Variants in DPP10 observed in about 807,000 individuals in gnomAD.
The protein encoded by DPP10 is dipeptidyl peptidase like 10.
DPP10 carries 33 observed loss-of-function variants against 120.9 expected under a neutral mutation model. The observed-to-expected ratio is 0.27, with a 90% CI of 0.21 to 0.37. The LOEUF is 0.37. Ranked by LOEUF, DPP10 falls within the 10% of genes least tolerant of loss-of-function variation. DPP10 has a pLI of 1.00. For synonymous variants in DPP10, 337 were observed against 326.1 expected, an observed-to-expected ratio of 1.03 and a Z score of -0.36; for missense variants, 816 against 942.8, an observed-to-expected ratio of 0.87 and a Z score of 1.76.
intron 1 of DPP10, among the ~76,000 whole-genome samples, chr2:115,216,717 G>A (rs12998960): frequency 0.067 from 10,175 of 152,022 alleles, 428 homozygotes; most frequent in East Asian, 0.2. Flanking sequence ...CTCAGGAGGC[G>A]GAAGTTGCCG....
intron 5 of DPP10, among the ~76,000 whole-genome samples, chr2:115,578,358 G>A (rs899751481): frequency 1.3e-5 from 2 of 151,968 alleles, no homozygotes; most frequent in African/African-American, 2.4e-5. Flanking sequence ...ACACACAAAC[G>A]TACACGTGTA....
chr2:114,522,752 C>T (rs1217987032), intron 1 of DPP10, among the ~76,000 whole-genome samples: 3 of 152,082 alleles, frequency 2.0e-5, no homozygotes. Flanking sequence ...CTTACAGTTC[C>T]ACGTGGCTGG....
intron 7 of DPP10, among the ~76,000 whole-genome samples, chr2:115,709,940 T>C (rs2092263514): frequency 6.6e-6 from 1 of 151,932 alleles, no homozygotes; most frequent in Non-Finnish European, 1.5e-5. Flanking sequence ...CTCAGTGAAC[T>C]CCAAACACAA....
rs547517344 is a variant in DPP10, at chr2:114,969,978, A to G, written c.61-339261A>G. On this transcript the variant is annotated intron_variant, in intron 1 of 25. Transcript: ENST00000410059. Reference sequence around the variant, plus strand: ...GCTATTATTATTTGCCTTAATTATCATCACTGGAATCTACTCTCAATAGCC... The same window carrying G: ...GCTATTATTATTTGCCTTAATTATCGTCACTGGAATCTACTCTCAATAGCC... 4.6e-5 allele frequency among the ~76,000 whole-genome samples: 7 copies of G among 152,278 alleles called. No individual in the cohort carries two copies. The South Asian group carries it at 1.0e-3, about 23-fold the overall frequency.
In DPP10 at chr2:115,070,154, G is replaced by C. The variant is rs1707252598; in HGVS notation, c.61-239085G>C. ...AGTAAAATGAGAAATACATTATGTGGTGATAAGAGCTAATACTTCATGCAA... is the reference window on the plus strand; with the variant it reads ...AGTAAAATGAGAAATACATTATGTGCTGATAAGAGCTAATACTTCATGCAA... On this transcript the variant is annotated intron_variant, in intron 1 of 25. Transcript: ENST00000410059. 2.0e-5 allele frequency among the ~76,000 whole-genome samples: 3 copies of C among 152,036 alleles called. No homozygotes were observed. The South Asian group carries it at 6.2e-4, about 31-fold the overall frequency.
At chr2:114,561,822 G>A (rs963055739) in intron 1 of DPP10, among the ~76,000 whole-genome samples, 7 of 152,108 alleles carry the variant, frequency 4.6e-5, no homozygotes, top group South Asian at 2.1e-4. Flanking sequence ...GTTATAAATG[G>A]CCTCTGACAC....
chr2:115,090,763 G>T (rs1709180397), intron 1 of DPP10, among the ~76,000 whole-genome samples: 1 of 152,040 alleles, frequency 6.6e-6, no homozygotes, highest in African/African-American at 2.4e-5. Context: ...AAGTTTCTGT[G>T]TTGGGGAGAA....
chr2:115,504,809 G>A (rs2076860896), intron 4 of DPP10, among the ~76,000 whole-genome samples: 1 of 152,018 alleles, frequency 6.6e-6, no homozygotes, highest in African/African-American at 2.4e-5. Context: ...TAAAAGTAGT[G>A]GTCATTAAAA....
chr2:114,664,529 T>C (rs1367254029), intron 1 of DPP10, among the ~76,000 whole-genome samples: 1 of 146,952 alleles, frequency 6.8e-6, no homozygotes, highest in African/African-American at 2.5e-5. Flanking sequence ...CTCAGGAGGC[T>C]GAGGCAGGAG....
At chr2:114,713,142 A>G (rs1187364713) in intron 1 of DPP10, among the ~76,000 whole-genome samples, 1 of 151,998 alleles carries the variant, frequency 6.6e-6, no homozygotes, top group Non-Finnish European at 1.5e-5. Flanking sequence ...GTCCACCACC[A>G]CGCCTGGCTA....
At chr2:114,959,131 T>A (rs917266483) in intron 1 of DPP10, among the ~76,000 whole-genome samples, 7 of 152,288 alleles carry the variant, frequency 4.6e-5, no homozygotes, top group Admixed American at 3.3e-4. Context: ...CGATCTCAGC[T>A]CACTGCAACC....
chr2:114,972,933 G>A (rs1055671301), intron 1 of DPP10, among the ~76,000 whole-genome samples: 2 of 152,260 alleles, frequency 1.3e-5, no homozygotes, highest in African/African-American at 2.4e-5. Context: ...AAATATCAAC[G>A]ATAGCCTCTG....
chr2:115,326,671 G>A (rs372529227), intron 2 of DPP10, among the ~76,000 whole-genome samples: 1 of 151,940 alleles, frequency 6.6e-6, no homozygotes, highest in Non-Finnish European at 1.5e-5. Context: ...TACTGACCCT[G>A]TGTAGGCCTA....
At chr2:115,549,035 A>G (rs2079701734) in intron 5 of DPP10, among the ~76,000 whole-genome samples, 2 of 152,240 alleles carry the variant, frequency 1.3e-5, no homozygotes, top group South Asian at 4.1e-4. Context: ...GAACCCAGCT[A>G]ATGGTTCCAC....
At chr2:115,707,420 T>TGACA (rs2149555670) in intron 7 of DPP10, among the ~76,000 whole-genome samples, 1 of 88,430 alleles carries the variant, frequency 1.1e-5, no homozygotes, top group South Asian at 4.3e-4. Flanking sequence ...CAAACAAATT[T>TGACA]TACACACACA....
chr2:115,058,926 G>A (rs1706169586), intron 1 of DPP10, among the ~76,000 whole-genome samples: 1 of 151,994 alleles, frequency 6.6e-6, no homozygotes, highest in Admixed American at 6.6e-5. Context: ...TGCCTTCAGC[G>A]GAACACTCTC....
intron 1 of DPP10, among the ~76,000 whole-genome samples, chr2:114,517,685 T>C (rs1684713889): frequency 6.6e-6 from 1 of 152,228 alleles, no homozygotes; most frequent in African/African-American, 2.4e-5. Flanking sequence ...CATTAAGCTA[T>C]TTTTAATCTG....
chr2:115,507,375 T>C (rs548787886), intron 4 of DPP10, among the ~76,000 whole-genome samples: 1 of 152,276 alleles, frequency 6.6e-6, no homozygotes. Context: ...TGACAATAAA[T>C]GAGTAATTCA....
chr2:115,468,015 G>A (rs2074438367), intron 3 of DPP10: 1 of 336,718 alleles, frequency 3.0e-6, no homozygotes, highest in Non-Finnish European at 5.8e-6. Context: ...GGGCCCAGAT[G>A]GTACTGGATT....
Sources: gnomAD v4.1 joint callset for allele counts (sites outside exome capture counted in the v4.1 genomes callset) on GRCh38, gnomAD v4.1.1 for gene constraint, MANE v1.5 for transcripts, NCBI Gene and HGNC (gene_info 2026-07-23, HGNC 2026-07-21) for gene names.